Variants in FGF12 observed in about 807,000 individuals in gnomAD.
FGF12 encodes fibroblast growth factor 12B.
A neutral mutation model predicts 23.6 loss-of-function variants in FGF12; 14 were observed. The observed-to-expected ratio is 0.59, with a 90% CI of 0.39 to 0.93. The LOEUF (loss-of-function observed/expected upper bound fraction) is 0.93, where lower values mean the gene tolerates loss of function less well. FGF12 is among the 40% of genes least tolerant of loss of function. FGF12 has a pLI of 0.00. For missense variants in FGF12, 175 were observed against 217.8 expected (o/e 0.80, Z 1.24); for synonymous variants, 62 against 77.3 (o/e 0.80, Z 1.04).
intron 2 of FGF12, among the ~76,000 whole-genome samples, chr3:192,424,623 A>T (rs114458103): frequency 4.6e-5 from 7 of 152,182 alleles, no homozygotes; most frequent in Non-Finnish European, 7.4e-5. Flanking sequence ...ATCTTTTAAA[A>T]CAACTATAGT....
intron 2 of FGF12, among the ~76,000 whole-genome samples, chr3:192,612,646 T>C (rs1362246492): frequency 6.6e-6 from 1 of 151,886 alleles, no homozygotes; most frequent in South Asian, 2.1e-4. Flanking sequence ...ACTTCTGATA[T>C]AAAAATGACC....
At chr3:192,429,028 T>G (rs1004715972) in intron 2 of FGF12, among the ~76,000 whole-genome samples, 1 of 152,082 alleles carries the variant, frequency 6.6e-6, no homozygotes, top group African/African-American at 2.4e-5. Flanking sequence ...CTTTCTCAAT[T>G]AGATCATGAA....
intron 2 of FGF12, among the ~76,000 whole-genome samples, chr3:192,633,221 T>G (rs1715453824): frequency 6.6e-6 from 1 of 152,018 alleles, no homozygotes; most frequent in African/African-American, 2.4e-5. Context: ...AGTTTTTGTA[T>G]TTTTAGTAGA....
chr3:192,216,485 T>C (rs1718199587), intron 4 of FGF12, among the ~76,000 whole-genome samples: 1 of 152,220 alleles, frequency 6.6e-6, no homozygotes, highest in East Asian at 1.9e-4. Flanking sequence ...GAAATACATA[T>C]CATAAAATTT....
At chr3:192,702,210 A>G (rs928400053) in intron 2 of FGF12, among the ~76,000 whole-genome samples, 2 of 152,188 alleles carry the variant, frequency 1.3e-5, no homozygotes, top group African/African-American at 4.8e-5. Context: ...CCTTTCTTAA[A>G]GGCTGAATTG....
At chr3:192,546,829 C>G (rs936136988) in intron 2 of FGF12, among the ~76,000 whole-genome samples, 1 of 152,144 alleles carries the variant, frequency 6.6e-6, no homozygotes, top group African/African-American at 2.4e-5. Context: ...GTGGGCAGAG[C>G]CCTTGAGCCC....
At chr3:192,329,813 G>A (rs1717014197) in intron 4 of FGF12, among the ~76,000 whole-genome samples, 1 of 152,058 alleles carries the variant, frequency 6.6e-6, no homozygotes, top group Non-Finnish European at 1.5e-5. Context: ...CTATGTATAA[G>A]GTAAAATTTG....
At chr3:192,165,705 C>T (rs1298592986) in intron 5 of FGF12, among the ~76,000 whole-genome samples, 2 of 152,158 alleles carry the variant, frequency 1.3e-5, no homozygotes, top group Admixed American at 1.3e-4. Flanking sequence ...TGATTTAAAA[C>T]TAGTTTACTA....
At chr3:192,651,022 C>A (rs1219981160) in intron 2 of FGF12, among the ~76,000 whole-genome samples, 8 of 152,124 alleles carry the variant, frequency 5.3e-5, no homozygotes, top group Admixed American at 5.2e-4. Context: ...TATCTGGACA[C>A]CAAAAAATAG....
At chr3:192,229,203 C>T (rs190967846) in intron 4 of FGF12, among the ~76,000 whole-genome samples, 52 of 151,248 alleles carry the variant, frequency 3.4e-4, no homozygotes, top group African/African-American at 1.2e-3. Context: ...GGGCTATGCA[C>T]ACAGAAGGAA....
intron 5 of FGF12, among the ~76,000 whole-genome samples, chr3:192,163,803 C>A (rs1281203233): frequency 7.3e-6 from 1 of 137,494 alleles, no homozygotes; most frequent in African/African-American, 2.6e-5. Context: ...AAAATGGAAA[C>A]CATGTATATG....
At chr3:192,712,421 G>A (rs906313230) in intron 2 of FGF12, among the ~76,000 whole-genome samples, 1 of 151,054 alleles carries the variant, frequency 6.6e-6, no homozygotes, top group African/African-American at 2.4e-5. Context: ...CATAATGAGT[G>A]AAAATGAAAC....
intron 2 of FGF12, among the ~76,000 whole-genome samples, chr3:192,457,635 T>C (rs1722720203): frequency 6.6e-6 from 1 of 152,222 alleles, no homozygotes; most frequent in Non-Finnish European, 1.5e-5. Flanking sequence ...AAAAGGTGAC[T>C]TGGGCACTGT....
intron 2 of FGF12, among the ~76,000 whole-genome samples, chr3:192,552,244 G>T (rs1487355853): frequency 6.6e-6 from 1 of 151,988 alleles, no homozygotes; most frequent in East Asian, 1.9e-4. Flanking sequence ...AAAAGAAAAT[G>T]ATTGAGAAGA....
chr3:192,538,302 G>A (rs1246347373), intron 2 of FGF12, among the ~76,000 whole-genome samples: 1 of 152,008 alleles, frequency 6.6e-6, no homozygotes, highest in Non-Finnish European at 1.5e-5. Flanking sequence ...TGGTTAGCTA[G>A]AGATAGGGGG....
intron 4 of FGF12, among the ~76,000 whole-genome samples, chr3:192,175,773 G>C (rs1012347118): frequency 6.6e-6 from 1 of 151,988 alleles, no homozygotes; most frequent in African/African-American, 2.4e-5. Flanking sequence ...GATCACTCAG[G>C]ACCCCTTCTA....
intron 4 of FGF12, among the ~76,000 whole-genome samples, chr3:192,201,322 CACA>C (rs1446631236): frequency 1.3e-5 from 2 of 152,090 alleles, no homozygotes; most frequent in Non-Finnish European, 2.9e-5. Flanking sequence ...GGAAATGGAA[CACA>C]ACAACTGAAA....
chr3:192,277,563 T>C (rs1384667812), intron 4 of FGF12, among the ~76,000 whole-genome samples: 2 of 152,208 alleles, frequency 1.3e-5, no homozygotes, highest in African/African-American at 4.8e-5. Context: ...AATCTCTTAC[T>C]ATTTTTAACT....
chr3:192,577,110 TG>T (rs1712938490), intron 2 of FGF12, among the ~76,000 whole-genome samples: 1 of 152,100 alleles, frequency 6.6e-6, no homozygotes, highest in Admixed American at 6.5e-5. Context: ...ATGTAGATGA[TG>T]GGTTAATGGG....
Sources: allele counts gnomAD v4.1 joint callset (sites outside exome capture counted in the v4.1 genomes callset), GRCh38; gene constraint gnomAD v4.1.1; transcripts MANE v1.5; gene names NCBI Gene and HGNC (gene_info 2026-07-23, HGNC 2026-07-21).